Variants in KMT2A observed in about 807,000 individuals in gnomAD.
KMT2A encodes histone-lysine N-methyltransferase 2A.
KMT2A carries 16 observed loss-of-function variants against 345.3 expected under a neutral mutation model. That is an observed-to-expected ratio of 0.05 (90% CI 0.03 to 0.07). The LOEUF (loss-of-function observed/expected upper bound fraction) is 0.07. KMT2A is among the 10% of genes least tolerant of loss of function. KMT2A has a pLI of 1.00. For missense variants in KMT2A, 3,272 were observed against 4,841.6 expected (o/e 0.68, Z 9.62); for synonymous variants, 1,599 against 1,778.6 (o/e 0.90, Z 2.54).
intron 1 of KMT2A, chr11:118,458,348 C>T (rs1162120505): frequency 1.1e-5 from 2 of 180,726 alleles, no homozygotes; most frequent in African/African-American, 4.8e-5. Context: ...CTCGGCCTCC[C>T]ATTGTTAGGA....
At chr11:118,519,382 T>G in intron 31 of KMT2A, 1 of 453,228 alleles carries the variant, frequency 2.2e-6, no homozygotes, top group Non-Finnish European at 4.0e-6. Flanking sequence ...AAATAGTCCA[T>G]AGTTTGGTGG....
chr11:118,481,471 T>C (rs1950131294), intron 6 of KMT2A, among the ~76,000 whole-genome samples: 1 of 152,240 alleles, frequency 6.6e-6, no homozygotes, highest in Non-Finnish European at 1.5e-5. Flanking sequence ...ATTGTGGATA[T>C]GTACCACATT....
Position 118,474,123 on chromosome 11 carries a change from C to A in KMT2A, c.2964C>A (p.Thr988=), listed in dbSNP as rs2134272697. ...CCCCATCCCTGGAGAAGGAGAAAAC[C>A]CTCTGCCTTTCCACTCCTTCATCTA... ...PTAPSLEKEK[T]LCLSTPSSST... is the part of the protein sequence containing the mutation. Residue 988 remains threonine (T), a synonymous_variant, in exon 3 of 36, where the codon ACC becomes ACA. Coordinates refer to ENST00000534358, the MANE Select transcript of KMT2A (RefSeq NM_001197104.2). The A allele has an allele frequency of 6.2e-7, 1 of 1,614,130 alleles. No individual in the cohort carries two copies. The highest frequency in any genetic ancestry group is 8.5e-7 in the Non-Finnish European group (1 of 1,180,008).
chr11:118,508,888 G>A (rs778426115), intron 28 of KMT2A, among the ~76,000 whole-genome samples: 16 of 152,010 alleles, frequency 1.1e-4, no homozygotes, highest in African/African-American at 3.9e-4. Flanking sequence ...TTTCAAGGGC[G>A]CAATTTACAA....
At chr11:118,489,087 G>A (rs1950281626) in intron 11 of KMT2A, among the ~76,000 whole-genome samples, 4 of 151,984 alleles carry the variant, frequency 2.6e-5, no homozygotes, top group Admixed American at 2.0e-4. Context: ...GCCAGGTGTG[G>A]TGGTGGGCAC....
At chr11:118,489,342 G>C (rs1408075526) in intron 11 of KMT2A, among the ~76,000 whole-genome samples, 3 of 152,038 alleles carry the variant, frequency 2.0e-5, no homozygotes, top group African/African-American at 4.8e-5. Context: ...GTATCCTCTG[G>C]GGGTCCTGGA....
intron 31 of KMT2A, among the ~76,000 whole-genome samples, chr11:118,513,481 T>A (rs1555050704): frequency 6.6e-6 from 1 of 151,920 alleles, no homozygotes; most frequent in East Asian, 1.9e-4. Flanking sequence ...CTTTAGAAAA[T>A]ACTAACATTT....
rs933351014 is a variant in KMT2A, at chr11:118,498,251, T to C, written c.5803-119T>C. Reference sequence around the variant, plus strand: ...TGATAAATTTTATCTGTTTTCAATTTATCAATAGATAAAATGAATTGTAGG... The same window carrying C: ...TGATAAATTTTATCTGTTTTCAATTCATCAATAGATAAAATGAATTGTAGG... On this transcript the variant is annotated intron_variant, in intron 21 of 35. Coordinates refer to ENST00000534358, the MANE Select transcript of KMT2A (RefSeq NM_001197104.2). The surrounding 1 kb of genome is among the most constrained non-coding windows in gnomAD (Gnocchi z 4.4). The C allele has an allele frequency of 2.0e-4, 239 of 1,201,270 alleles. No homozygotes were observed. The highest frequency in any genetic ancestry group is 1.4e-3 in the Middle Eastern group (7 of 5,012). The allele number at this position is 1,201,270 out of a possible 1,614,324, so 74.4% of individuals were successfully genotyped here.
rs887125233 is a variant in KMT2A at position 118,493,353 on chromosome 11, G to A, written c.5178+123G>A. ...ATTGTATTATATTTAGAAATGTCAC[G>A]TGGCTTTAGATACCTAAAAATGTAT... On this transcript the variant is annotated intron_variant, in intron 16 of 35. Transcript: ENST00000534358. The surrounding 1 kb of genome is among the most constrained non-coding windows in gnomAD (Gnocchi z 5.8). The A allele has an allele frequency of 1.0e-4, 75 of 718,180 alleles. No individual in the cohort carries two copies. The highest frequency in any genetic ancestry group is 4.0e-4 in the Middle Eastern group (1 of 2,494). 44.5% of individuals were successfully genotyped at this position (718,180 alleles called of 1,614,324 possible).
intron 8 of KMT2A, among the ~76,000 whole-genome samples, chr11:118,483,289 T>C (rs1950171471): frequency 6.6e-6 from 1 of 150,528 alleles, no homozygotes; most frequent in Non-Finnish European, 1.5e-5. Flanking sequence ...TCCCAGCACT[T>C]TGGGAGGCCG....
In KMT2A at chr11:118,496,382, A is replaced by G; in HGVS notation, c.5664+15A>G. On this transcript the variant is annotated intron_variant, in intron 20 of 35. Transcript: ENST00000534358. The surrounding 1 kb of genome is among the most constrained non-coding windows in gnomAD (Gnocchi z 4.7). ...ACAGTGCTAATGTAAGTACTTTGCA[A>G]CACAGGGCCCTAGTTAATACATACT... 6.4e-7 allele frequency: 1 copy of G among 1,561,472 alleles called. No individual in the cohort carries two copies. The highest frequency in any genetic ancestry group is 1.1e-5 in the South Asian group (1 of 90,008).
intron 4 of KMT2A, among the ~76,000 whole-genome samples, chr11:118,477,755 G>A (rs928945658): frequency 5.3e-5 from 8 of 151,442 alleles, no homozygotes; most frequent in Admixed American, 1.3e-4. Context: ...GATCTGCCTG[G>A]CTCAGCCTCC....
At chr11:118,439,158 C>CAAAAAAAAAAAAAGAAAAA in intron 1 of KMT2A, 2 of 265,450 alleles carry the variant, frequency 7.5e-6, no homozygotes, top group African/African-American at 3.3e-5. Context: ...GATACAGCAG[C>CAAAAAAAAAAAAAGAAAAA]AAAAAAAAAA....
In KMT2A at chr11:118,501,804, C is replaced by T. The variant is rs781897465; in HGVS notation, c.6452C>T (p.Pro2151Leu). 6.2e-7 allele frequency: 1 copy of T among 1,614,076 alleles called. No homozygotes were observed. Among genetic ancestry groups the T allele is most frequent in the South Asian group, 1.1e-5 (1 of 91,068 alleles). Reference protein sequence around the residue: ...VISKVPRIRTPSYSPTQRSPG... With the variant: ...VISKVPRIRTLSYSPTQRSPG... ...TCAAAGGTCCCCAGGATTCGAACAC[C>T]CAGTTATTCTCCAACACAGAGATCC... The change falls in exon 26 of 36, where the codon CCC (proline) becomes CTC (leucine). Residue 2151 changes from proline to leucine, a missense_variant. Pro to Leu is a moderately conservative substitution (Grantham distance 98). Transcript: ENST00000534358.
chr11:118,499,450 G>A (rs1180175783), intron 23 of KMT2A, 30 bp downstream of exon 23: 21 of 1,354,602 alleles, frequency 1.6e-5, no homozygotes, highest in African/African-American at 4.3e-5. Flanking sequence ...ATTGGGGAAG[G>A]CTGTATATAT....
At position 118,484,556 on chromosome 11, in the gene KMT2A, G is replaced by A. The variant is rs536039449; in HGVS notation, c.4218+242G>A. ...CCTATCCATCCTGAGCAGTATCAGA[G>A]GAAGTAATTCCTTCACATGGAAAGT... On this transcript the variant is annotated intron_variant, in intron 9 of 35. Coordinates refer to ENST00000534358, the MANE Select transcript of KMT2A (RefSeq NM_001197104.2). The surrounding 1 kb of genome is among the most constrained non-coding windows in gnomAD (Gnocchi z 4.1). 5.3e-5 allele frequency among the ~76,000 whole-genome samples: 8 copies of A among 152,166 alleles called. No individual in the cohort carries two copies. Among genetic ancestry groups the A allele is most frequent in the Non-Finnish European group, 1.0e-4 (7 of 68,042 alleles).
At chr11:118,449,435 T>C (rs1239118815) in intron 1 of KMT2A, 1 of 148,448 alleles carries the variant, frequency 6.7e-6, no homozygotes, top group East Asian at 1.9e-4. Context: ...AAAAAAAAAA[T>C]TAGCCAAGCA....
chr11:118,472,460 A>G lies in KMT2A; in HGVS notation c.1301A>G (p.Tyr434Cys). The G allele has an allele frequency of 6.2e-7, 1 of 1,614,030 alleles. No homozygotes were observed. The change falls in exon 3 of 36, where the codon TAT becomes TGT. Residue 434 changes from tyrosine (Y) to cysteine (C), a missense_variant. Physicochemically the swap from Tyr to Cys is radical, Grantham distance 194. This residue lies in a region of KMT2A where 180 missense variants were observed against 190.7 expected (regional missense o/e 0.94). Transcript: ENST00000534358. ...TPRRFIEDED[Y>C]DPPIKIARLE... The stretch of plus-strand genomic sequence containing the variant: ...CGGCGGTTTATAGAGGATGAGGATT[A>G]TGACCCTCCAATTAAAATTGCCCGA...
At position 118,473,815 on chromosome 11, in the gene KMT2A, C is replaced by T. The variant is rs1555036670; in HGVS notation, c.2656C>T (p.Arg886Trp). 1.2e-6 allele frequency: 2 copies of T among 1,613,940 alleles called. No individual in the cohort carries two copies. The highest frequency in any genetic ancestry group is 1.7e-6 in the Non-Finnish European group (2 of 1,179,972). The change falls in exon 3 of 36, where the codon CGG becomes TGG. Residue 886 changes from arginine to tryptophan, a missense_variant. By Grantham distance (101) the Arg-to-Trp change is moderately radical. Coordinates refer to ENST00000534358, the MANE Select transcript of KMT2A (RefSeq NM_001197104.2). This position sits in a 1 kb window ranked among gnomAD's most constrained non-coding sequence, Gnocchi z 5.2. ...CCGGGAGAGAGAAAAGGAGAATAAG[C>T]GGGAGTCAAGGAAAGAGAAAAGGAA... Reference protein sequence around the residue: ...RDREREKENKRESRKEKRKKG... With the variant: ...RDREREKENKWESRKEKRKKG...
Sources: allele counts gnomAD v4.1 joint callset (sites outside exome capture counted in the v4.1 genomes callset), GRCh38; gene constraint gnomAD v4.1.1; regional missense constraint gnomAD v4.1.1; non-coding constraint Gnocchi (gnomAD v3.1); transcripts MANE v1.5; gene names NCBI Gene and HGNC (gene_info 2026-07-23, HGNC 2026-07-21).